SHANK2: variants seen among roughly 807,000 people sequenced by gnomAD.
SHANK2 encodes the protein SH3 and multiple ankyrin repeat domains protein 2.
Under a neutral mutation model 133.7 loss-of-function variants are expected in SHANK2, and 43 were observed. The observed-to-expected ratio is 0.32, with a 90% CI of 0.25 to 0.41. The LOEUF (loss-of-function observed/expected upper bound fraction) is 0.41. Among genes scored for constraint, SHANK2 ranks in the 10% least tolerant of loss-of-function variants. The pLI is 1.00. For synonymous variants in SHANK2, 1,017 were observed against 952.8 expected (o/e 1.07, Z -1.24); for missense variants, 1,994 against 2,235.8 (o/e 0.89, Z 2.18).
intron 10 of SHANK2, among the ~76,000 whole-genome samples, chr11:70,905,097 G>A (rs1197289593): frequency 6.6e-6 from 1 of 152,164 alleles, no homozygotes; most frequent in Non-Finnish European, 1.5e-5. Flanking sequence ...GGTGCCAGGA[G>A]CAAGGACAGC....
chr11:71,113,840 A>T (rs192835573), intron 4 of SHANK2, among the ~76,000 whole-genome samples: 19 of 152,306 alleles, frequency 1.2e-4, no homozygotes, highest in Non-Finnish European at 2.2e-4. Flanking sequence ...TACTCCTGCA[A>T]CCTCTGCCCA....
chr11:70,701,893 C>T (rs1945529378), intron 14 of SHANK2, among the ~76,000 whole-genome samples: 2 of 151,814 alleles, frequency 1.3e-5, no homozygotes, highest in Admixed American at 6.6e-5. Flanking sequence ...ATCATCATCA[C>T]CACCACCCTC....
intron 14 of SHANK2, among the ~76,000 whole-genome samples, chr11:70,722,498 C>G (rs1355751582): frequency 6.6e-6 from 1 of 152,244 alleles, no homozygotes; most frequent in Non-Finnish European, 1.5e-5. Flanking sequence ...GAAATACCTA[C>G]ATAGGCGATT....
intron 3 of SHANK2, among the ~76,000 whole-genome samples, chr11:71,146,785 C>T (rs1247930439): frequency 1.3e-5 from 2 of 152,150 alleles, no homozygotes; most frequent in Non-Finnish European, 2.9e-5. Flanking sequence ...ACCTGCCGCC[C>T]GGGTTTTCTC....
At chr11:70,852,041 C>G (rs1301436582) in intron 11 of SHANK2, among the ~76,000 whole-genome samples, 1 of 152,236 alleles carries the variant, frequency 6.6e-6, no homozygotes, top group African/African-American at 2.4e-5. Context: ...CCTTTTAAAA[C>G]CAAGACCTTC....
At chr11:70,681,692 C>G (rs149362229) in intron 15 of SHANK2, among the ~76,000 whole-genome samples, 7 of 152,158 alleles carry the variant, frequency 4.6e-5, no homozygotes, top group Admixed American at 4.6e-4. Flanking sequence ...TCACAGCAAC[C>G]CTCCTGCCCA....
rs1434778951 is a variant in SHANK2 at position 70,550,756 on chromosome 11, G to A, written c.2062-47825C>T. ...AGCGCCCAAACCTCCCTTCAGTCCT[G>A]GGCCACGGGGCTCTCCCAGGCAGTC... On this transcript the variant is annotated intron_variant, in intron 17 of 25. Transcript: ENST00000601538. Among the ~76,000 whole-genome samples, 4 of 152,172 alleles carry A rather than the reference G, an allele frequency of 2.6e-5. No individual in the cohort carries two copies. The East Asian group carries it at 5.8e-4, about 22-fold the overall frequency.
intron 10 of SHANK2, among the ~76,000 whole-genome samples, chr11:70,905,322 G>A (rs1950084835): frequency 6.6e-6 from 1 of 152,120 alleles, no homozygotes; most frequent in African/African-American, 2.4e-5. Context: ...GGCTCAAGAC[G>A]CCCACCCGCA....
At chr11:71,071,486 G>A (rs980234083) in intron 9 of SHANK2, among the ~76,000 whole-genome samples, 1,681 of 152,348 alleles carry the variant, frequency 0.011, 24 homozygotes, top group African/African-American at 0.035. Context: ...GGGGAAGGGA[G>A]CATCAGCAGA....
chr11:70,609,933 G>A (rs537372403), intron 17 of SHANK2, among the ~76,000 whole-genome samples: 94 of 126,378 alleles, frequency 7.4e-4, no homozygotes, highest in Non-Finnish European at 1.4e-3. Flanking sequence ...ACATGACGCC[G>A]AGTGAAAGAA....
chr11:70,870,976 C>A (rs1949450544), intron 11 of SHANK2, among the ~76,000 whole-genome samples: 1 of 152,152 alleles, frequency 6.6e-6, no homozygotes, highest in Non-Finnish European at 1.5e-5. Flanking sequence ...CGGGGTTTCA[C>A]CATGTTGGCC....
chr11:70,495,833 GC>G, intron 21 of SHANK2: 1 of 200,242 alleles, frequency 5.0e-6, no homozygotes, highest in South Asian at 5.8e-5. Context: ...GGGGGCAGCC[GC>G]AGAATCCAGC....
intron 17 of SHANK2, among the ~76,000 whole-genome samples, chr11:70,599,889 A>AAGAAAGAAAGAAAG (rs376412663): frequency 7.2e-4 from 53 of 73,600 alleles, no homozygotes; most frequent in African/African-American, 1.8e-3. Context: ...GAAAGAAAGA[A>AAGAAAGAAAGAAAG]AAAGAAAGAA....
intron 17 of SHANK2, among the ~76,000 whole-genome samples, chr11:70,507,830 G>A (rs184827464): frequency 1.8e-4 from 27 of 152,336 alleles, no homozygotes; most frequent in African/African-American, 6.5e-4. Context: ...AGTGACGCGC[G>A]TTTGTAATTA....
At chr11:70,906,560 C>G (rs185452696) in intron 10 of SHANK2, among the ~76,000 whole-genome samples, 1 of 152,172 alleles carries the variant, frequency 6.6e-6, no homozygotes, top group African/African-American at 2.4e-5. Context: ...TATTTAGAGG[C>G]GGCTCTGTGA....
At chr11:70,685,762 G>C (rs1945133736) in intron 15 of SHANK2, among the ~76,000 whole-genome samples, 1 of 152,098 alleles carries the variant, frequency 6.6e-6, no homozygotes, top group Non-Finnish European at 1.5e-5. Flanking sequence ...ATACTCCTTG[G>C]CACTGGGGAC....
rs2058708332 is a variant in SHANK2, at chr11:70,479,676, C to A, written c.4979+5638G>T. Reference sequence around the variant, plus strand: ...TAACAGAAGCCATGGGGGACCCCCACAAGCACACACTCACTGCTCTGTTGC... The same window carrying A: ...TAACAGAAGCCATGGGGGACCCCCAAAAGCACACACTCACTGCTCTGTTGC... On this transcript the variant is annotated intron_variant, in intron 25 of 25. Transcript: ENST00000601538. This position sits in a 1 kb window ranked among gnomAD's most constrained non-coding sequence, Gnocchi z 4.4. Among the ~76,000 whole-genome samples, 1 of 152,274 alleles carries A rather than the reference C, an allele frequency of 6.6e-6. No homozygotes were observed. The highest frequency in any genetic ancestry group is 1.5e-5 in the Non-Finnish European group (1 of 68,054).
intron 17 of SHANK2, among the ~76,000 whole-genome samples, chr11:70,591,044 G>GA (rs1171420480): frequency 6.6e-6 from 1 of 152,166 alleles, no homozygotes; most frequent in Non-Finnish European, 1.5e-5. Flanking sequence ...AAATGGGTCA[G>GA]AAAAAGGAAG....
intron 2 of SHANK2, among the ~76,000 whole-genome samples, chr11:71,190,738 G>A (rs1953775877): frequency 6.6e-6 from 1 of 152,206 alleles, no homozygotes; most frequent in Non-Finnish European, 1.5e-5. Flanking sequence ...GGCTTCTGCA[G>A]GTCAGGCAGA....
Sources: gnomAD v4.1 joint callset for allele counts (sites outside exome capture counted in the v4.1 genomes callset) on GRCh38, gnomAD v4.1.1 for gene constraint, Gnocchi (gnomAD v3.1) non-coding constraint, MANE v1.5 for transcripts, NCBI Gene and HGNC (gene_info 2026-07-23, HGNC 2026-07-21) for gene names.